The following AGMO variants were observed in gnomAD, a reference collection of about 807,000 sequenced individuals.
AGMO encodes the protein alkylglycerol monooxygenase, also known as glyceryl-ether monooxygenase.
AGMO carries 75 observed loss-of-function variants against 60.2 expected under a neutral mutation model. That is an observed-to-expected ratio of 1.25 (90% confidence interval 1.03 to 1.51). The LOEUF (loss-of-function observed/expected upper bound fraction) is 1.51, where lower values mean the gene tolerates loss of function less well. Ranked by LOEUF, AGMO falls within the 40% of genes most tolerant of loss-of-function variation. The pLI is 0.00. For synonymous variants in AGMO, 261 were observed against 177.1 expected (o/e 1.47, Z -3.76); for missense variants, 763 against 525.5 (o/e 1.45, Z -4.42).
intron 3 of AGMO, among the ~76,000 whole-genome samples, chr7:15,538,151 G>A (rs1309534158): frequency 6.6e-6 from 1 of 152,112 alleles, no homozygotes; most frequent in Admixed American, 6.6e-5. Context: ...CATGAGAGAA[G>A]ACAAGAAAAA....
rs1782939897 is a variant in AGMO at position 15,365,530 on chromosome 7, A to T, written c.1247T>A (p.Leu416Ter). 1 of 1,612,224 alleles carries T rather than the reference A, an allele frequency of 6.2e-7. No homozygotes were observed. The highest frequency in any genetic ancestry group is 1.1e-5 in the South Asian group (1 of 90,976). ...FGHLKPLVPSLSSAFEIVFSI... is the reference protein window; with the variant it reads ...FGHLKPLVPS ...ATGTCTTACCTCAAAAGCAGATGAC[A>T]ATGAAGGGACAAGAGGCTTCAGGTG... is the stretch of plus-strand genomic sequence containing the variant. The change falls in exon 12 of 13, where the codon TTG (leucine) becomes TAG (stop). Residue 416 changes from leucine (L) to a stop codon, truncating the protein, a stop_gained. Coordinates refer to ENST00000342526, the MANE Select transcript of AGMO (RefSeq NM_001004320.2). LOFTEE classifies it high-confidence loss of function.
chr7:15,483,113 C>A (rs991997499), intron 3 of AGMO, among the ~76,000 whole-genome samples: 1 of 151,978 alleles, frequency 6.6e-6, no homozygotes, highest in Non-Finnish European at 1.5e-5. Flanking sequence ...GTTACTGTAG[C>A]AGACATTAGA....
intron 3 of AGMO, among the ~76,000 whole-genome samples, chr7:15,508,891 G>C (rs927043732): frequency 6.6e-6 from 1 of 152,134 alleles, no homozygotes; most frequent in African/African-American, 2.4e-5. Flanking sequence ...GTAATTAAAT[G>C]TATGTCATGC....
At chr7:15,345,249 T>C (rs1337943687) in intron 12 of AGMO, among the ~76,000 whole-genome samples, 10 of 152,172 alleles carry the variant, frequency 6.6e-5, no homozygotes, top group African/African-American at 2.2e-4. Context: ...TTTTTCTAGT[T>C]TTTTTCTCTT....
At chr7:15,560,603 G>A (rs1006555988) in intron 1 of AGMO, among the ~76,000 whole-genome samples, 6 of 152,108 alleles carry the variant, frequency 3.9e-5, no homozygotes, top group Admixed American at 1.3e-4. Flanking sequence ...TAGATAATTA[G>A]AGGTCTATTG....
intron 5 of AGMO, among the ~76,000 whole-genome samples, chr7:15,403,319 C>A (rs185729108): frequency 8.5e-4 from 129 of 151,942 alleles, no homozygotes; most frequent in Non-Finnish European, 1.5e-3. Context: ...TTAGATTATT[C>A]TTTCTTGCTC....
chr7:15,400,487 C>T (rs184205767), intron 5 of AGMO, among the ~76,000 whole-genome samples: 452 of 152,250 alleles, frequency 3.0e-3, no homozygotes, highest in Non-Finnish European at 5.3e-3. Context: ...TCATTCCGTG[C>T]TCTAGACCTT....
chr7:15,185,712 T>C, the AGMO span, among the ~76,000 whole-genome samples: 2 of 152,184 alleles, frequency 1.3e-5, no homozygotes, highest in African/African-American at 4.8e-5. Context: ...TCCAAAACCC[T>C]GGCTGAGGCA....
At chr7:15,178,657 C>T in the AGMO span, among the ~76,000 whole-genome samples, 16 of 152,062 alleles carry the variant, frequency 1.1e-4, no homozygotes, top group South Asian at 2.1e-4. Context: ...TTCTTGACTC[C>T]GACATTTAGA....
the AGMO span, among the ~76,000 whole-genome samples, chr7:15,188,852 C>G: frequency 1.3e-5 from 2 of 152,094 alleles, no homozygotes; most frequent in African/African-American, 4.8e-5. Context: ...CAGCATTGTT[C>G]TGATTTTGAT....
chr7:15,117,516 C>A, the AGMO span, among the ~76,000 whole-genome samples: 50,707 of 151,602 alleles, frequency 0.33, 10,411 homozygotes, highest in East Asian at 0.68. Context: ...CTCCAATATA[C>A]CTAACTTTTG....
intron 12 of AGMO, among the ~76,000 whole-genome samples, chr7:15,254,155 G>T (rs900721825): frequency 2.6e-5 from 4 of 151,980 alleles, no homozygotes; most frequent in Non-Finnish European, 5.9e-5. Flanking sequence ...CATTTAGACT[G>T]ATTACATATA....
chr7:15,360,047 C>A (rs10227084), intron 12 of AGMO, among the ~76,000 whole-genome samples: 64,814 of 151,888 alleles, frequency 0.43, 13,980 homozygotes, highest in East Asian at 0.49. Context: ...AAGCTTTTGG[C>A]GGAGTAGGCA....
At chr7:15,553,321 TA>T (rs200805821) in intron 2 of AGMO, among the ~76,000 whole-genome samples, 4,626 of 145,044 alleles carry the variant, frequency 0.032, 227 homozygotes, top group African/African-American at 0.11. Flanking sequence ...TAAAGTATAA[TA>T]AAAAAAATAA....
intron 3 of AGMO, among the ~76,000 whole-genome samples, chr7:15,514,387 G>C (rs865914920): frequency 6.6e-6 from 1 of 152,040 alleles, no homozygotes; most frequent in African/African-American, 2.4e-5. Context: ...AACAATGACC[G>C]TAGTATGAAT....
intron 12 of AGMO, among the ~76,000 whole-genome samples, chr7:15,363,497 G>C (rs1052529144): frequency 6.6e-6 from 1 of 152,158 alleles, no homozygotes; most frequent in Non-Finnish European, 1.5e-5. Context: ...CCAAGAATAG[G>C]TAAGTGGTGA....
At chr7:15,417,404 T>C (rs903401720) in intron 5 of AGMO, among the ~76,000 whole-genome samples, 1 of 152,130 alleles carries the variant, frequency 6.6e-6, no homozygotes, top group Non-Finnish European at 1.5e-5. Flanking sequence ...TATTGTTCTG[T>C]ATCCAAACTA....
At chr7:15,351,102 G>C (rs1782228006) in intron 12 of AGMO, among the ~76,000 whole-genome samples, 1 of 152,050 alleles carries the variant, frequency 6.6e-6, no homozygotes, top group Non-Finnish European at 1.5e-5. Context: ...GTATAGTTTA[G>C]GTATAGTTGA....
intron 12 of AGMO, among the ~76,000 whole-genome samples, chr7:15,278,591 T>C (rs986023535): frequency 6.6e-6 from 1 of 152,118 alleles, no homozygotes; most frequent in Non-Finnish European, 1.5e-5. Flanking sequence ...CGCGTTTCAC[T>C]GGAAAAGGCA....
Sources: gnomAD v4.1 joint callset for allele counts (sites outside exome capture counted in the v4.1 genomes callset) on GRCh38, gnomAD v4.1.1 for gene constraint, MANE v1.5 for transcripts, NCBI Gene and HGNC (gene_info 2026-07-23, HGNC 2026-07-21) for gene names.